KIF14: variants seen among roughly 807,000 people sequenced by gnomAD.
The protein encoded by KIF14 is kinesin-like protein KIF14.
KIF14 carries 98 observed loss-of-function variants against 176.2 expected under a neutral mutation model. That is an observed-to-expected ratio of 0.56 (90% confidence interval 0.47 to 0.66). The LOEUF (loss-of-function observed/expected upper bound fraction) is 0.66. Ranked by LOEUF, KIF14 falls within the 30% of genes least tolerant of loss-of-function variation. The pLI is 0.00. For synonymous variants in KIF14, 566 were observed against 632.2 expected (o/e 0.90, Z 1.57); for missense variants, 1,751 against 1,920.4 (o/e 0.91, Z 1.65).
rs781683396 is a variant in KIF14 at position 200,600,114 on chromosome 1, C to G, written c.2301-1G>C. 2.5e-6 allele frequency: 4 copies of G among 1,594,692 alleles called. No homozygotes were observed. In the South Asian group the frequency reaches 4.5e-5, roughly 18 times the overall value. On this transcript the variant is annotated splice_acceptor_variant, in intron 12 of 29. Transcript: ENST00000367350. LOFTEE classifies it high-confidence loss of function. The stretch of plus-strand genomic sequence containing the variant: ...TTGTTCAAACTTTTCTTTCCACACT[C>G]TTTCCAAAGACAAAGAAAATAACAG...
At chr1:200,594,313 T>C (rs920174484) in intron 14 of KIF14, among the ~76,000 whole-genome samples, 23 of 148,358 alleles carry the variant, frequency 1.6e-4, no homozygotes, top group African/African-American at 5.8e-4. Flanking sequence ...ACATTCTTCA[T>C]TGGGTGTATT....
At chr1:200,555,724 T>C (rs553514168) in intron 27 of KIF14, among the ~76,000 whole-genome samples, 58 of 152,286 alleles carry the variant, frequency 3.8e-4, no homozygotes, top group African/African-American at 1.3e-3. Flanking sequence ...TTATTTTATT[T>C]ACATAAAAAA....
At chr1:200,590,043 G>A (rs988900914) in intron 17 of KIF14, 82 bp downstream of exon 17, 2 of 1,370,544 alleles carry the variant, frequency 1.5e-6, no homozygotes, top group Non-Finnish European at 2.0e-6. Flanking sequence ...TTCCCTTATA[G>A]GGACATAATC....
At position 200,553,100 on chromosome 1, in the gene KIF14, T is replaced by C. The variant is rs199982856; in HGVS notation, c.*288A>G. 117 of 180,986 alleles carry C rather than the reference T, an allele frequency of 6.5e-4. No homozygotes were observed. In the East Asian group the frequency reaches 8.6e-3, roughly 13 times the overall value. The allele number at this position is 180,986 out of a possible 1,614,324, so 11.2% of individuals were successfully genotyped here. A position where few individuals can be genotyped will look rare whatever the true frequency, so the allele number is the denominator to read the frequency against. On this transcript the variant is annotated 3_prime_UTR_variant, in exon 30 of 30. Transcript: ENST00000367350. ...CTGGGATTACAGGCACGCGCCACCA[T>C]GCCCAGCAAATTTTTGTATTTTTAG...
At chr1:200,584,366 A>G (rs1658627948) in intron 19 of KIF14, among the ~76,000 whole-genome samples, 1 of 152,230 alleles carries the variant, frequency 6.6e-6, no homozygotes, top group Admixed American at 6.5e-5. Context: ...CAAGGCCAGC[A>G]TTACCCTGAT....
rs1317255866 is a variant in KIF14, at chr1:200,586,202, TGGC to T, written c.3137_3139del (p.Arg1046del). The stretch of plus-strand genomic sequence containing the variant: ...TTCTAAAGCTTCCAGAATTCTTGCA[TGGC>T]GGATGCTATGGTCTTCTAAAGCCTA... On this transcript the variant is annotated inframe_deletion, in exon 19 of 30. Coordinates refer to ENST00000367350, the MANE Select transcript of KIF14 (RefSeq NM_014875.3). 7 of 1,599,038 alleles carry T rather than the reference TGGC, an allele frequency of 4.4e-6. No individual in the cohort carries two copies. Among genetic ancestry groups the T allele is most frequent in the Non-Finnish European group, 6.0e-6 (7 of 1,170,412 alleles).
chr1:200,575,789 A>G (rs1169051808), intron 21 of KIF14, 98 bp from the exon 22 acceptor site: 1 of 578,776 alleles, frequency 1.7e-6, no homozygotes, highest in African/African-American at 1.9e-5. Context: ...CATTTAAACC[A>G]TAAAATTAGC....
At position 200,553,551 on chromosome 1, in the gene KIF14, T is replaced by C. The variant is rs1212605426; in HGVS notation, c.4784A>G (p.Glu1595Gly). ...TTCTTTGGTATTTTGATTATAAGTTTCCCAGGGTTTCAACAAATCAGGGCT... is the reference window on the plus strand; with the variant it reads ...TTCTTTGGTATTTTGATTATAAGTTCCCCAGGGTTTCAACAAATCAGGGCT... ...EESPDLLKPWETYNQNTKEEH... is the reference protein window; with the variant it reads ...EESPDLLKPWGTYNQNTKEEH... The change falls in exon 30 of 30, where the codon GAA (glutamate) becomes GGA (glycine). Residue 1595 changes from glutamate to glycine, a missense_variant. By Grantham distance (98) the Glu-to-Gly change is moderately conservative. Transcript: ENST00000367350. 1 of 1,614,050 alleles carries C rather than the reference T, an allele frequency of 6.2e-7. No individual in the cohort carries two copies. The highest frequency in any genetic ancestry group is 2.2e-5 in the East Asian group (1 of 44,870).
chr1:200,571,940 C>T (rs769338429), intron 22 of KIF14, among the ~76,000 whole-genome samples: 1 of 152,152 alleles, frequency 6.6e-6, no homozygotes, highest in Non-Finnish European at 1.5e-5. Flanking sequence ...TAATTGTCAA[C>T]AGTATGTATC....
rs1657379354 is a variant in KIF14, at chr1:200,565,206, A to G, written c.3934T>C (p.Cys1312Arg). The change falls in exon 25 of 30, where the codon TGT becomes CGT. Residue 1312 changes from cysteine (C) to arginine (R), a missense_variant. By Grantham distance (180) the Cys-to-Arg change is radical. Transcript: ENST00000367350. The stretch of plus-strand genomic sequence containing the variant: ...AGCACTACTAGCTGCTCAAAAGCAC[A>G]TGCAGTCTGAATAGTAAGTGACTGG... Reference protein sequence around the residue: ...AIQSLTIQTACAFEQLVVLMK... With the variant: ...AIQSLTIQTARAFEQLVVLMK... 1.9e-6 allele frequency: 3 copies of G among 1,613,940 alleles called. No homozygotes were observed. Among genetic ancestry groups the G allele is most frequent in the Non-Finnish European group, 2.5e-6 (3 of 1,179,942 alleles).
chr1:200,574,335 C>T (rs1657982106), intron 22 of KIF14, among the ~76,000 whole-genome samples: 1 of 152,180 alleles, frequency 6.6e-6, no homozygotes, highest in Non-Finnish European at 1.5e-5. Flanking sequence ...TCTCAGGCAA[C>T]ACGACTTTCC....
chr1:200,591,204 G>A (rs957381702), intron 16 of KIF14, among the ~76,000 whole-genome samples: 1 of 152,170 alleles, frequency 6.6e-6, no homozygotes, highest in Admixed American at 6.5e-5. Flanking sequence ...CTTAAAAGGT[G>A]ACAAAGCAGT....
At chr1:200,572,435 CCTGGGT>C (rs1657847958) in intron 22 of KIF14, among the ~76,000 whole-genome samples, 1 of 152,158 alleles carries the variant, frequency 6.6e-6, no homozygotes, top group African/African-American at 2.4e-5. Context: ...AGCTCTGCCT[CCTGGGT>C]TCATACCATT....
Position 200,581,213 on chromosome 1 carries a change from T to A in KIF14, c.3323A>T (p.Tyr1108Phe). ...NAISSKLKTY[Y>F]VFGRHDISDK... ...ATTAATTACTCACCTGCCAAAAACA[T>A]AGTATGTTTTCAATTTGCTGCTGAT... Residue 1108 changes from tyrosine (Y) to phenylalanine (F), a missense_variant, in exon 20 of 30, where the codon TAT becomes TTT. By Grantham distance (22) the Tyr-to-Phe change is conservative. Coordinates refer to ENST00000367350, the MANE Select transcript of KIF14 (RefSeq NM_014875.3). 6.3e-7 allele frequency: 1 copy of A among 1,577,950 alleles called. No homozygotes were observed. The highest frequency in any genetic ancestry group is 8.6e-7 in the Non-Finnish European group (1 of 1,158,556).
chr1:200,581,170 ACAT>A, intron 20 of KIF14, 28 bp downstream of exon 20: 1 of 1,228,046 alleles, frequency 8.1e-7, no homozygotes, highest in Non-Finnish European at 1.2e-6. Flanking sequence ...CTTGTTTAAA[ACAT>A]TTAAAATCAG....
chr1:200,564,029 A>AG (rs1444248820), intron 25 of KIF14, among the ~76,000 whole-genome samples: 1 of 151,978 alleles, frequency 6.6e-6, no homozygotes, highest in Non-Finnish European at 1.5e-5. Flanking sequence ...TGGGAAGCTG[A>AG]GGGGGGCGGA....
chr1:200,614,601 C>T (rs1660313864), intron 3 of KIF14, among the ~76,000 whole-genome samples, 196 bp from the exon 4 acceptor site: 2 of 151,878 alleles, frequency 1.3e-5, no homozygotes, highest in African/African-American at 4.8e-5. Flanking sequence ...CTTCAATTTC[C>T]TCTACTGTAA....
chr1:200,605,568 T>C (rs1391289091), intron 7 of KIF14, among the ~76,000 whole-genome samples, 178 bp from the exon 8 acceptor site: 1 of 151,712 alleles, frequency 6.6e-6, no homozygotes, highest in Admixed American at 6.6e-5. Context: ...ATGAAATGAG[T>C]AAATATTTAT....
intron 4 of KIF14, among the ~76,000 whole-genome samples, chr1:200,611,363 G>A (rs1388400915): frequency 1.3e-5 from 2 of 152,126 alleles, no homozygotes; most frequent in Non-Finnish European, 2.9e-5. Context: ...GAAGCTAATT[G>A]GAGATGCAAT....
Sources: gnomAD v4.1 joint callset for allele counts (sites outside exome capture counted in the v4.1 genomes callset) on GRCh38, gnomAD v4.1.1 for gene constraint, MANE v1.5 for transcripts, NCBI Gene and HGNC (gene_info 2026-07-23, HGNC 2026-07-21) for gene names.